The following CLSTN2 variants were observed in gnomAD, a reference collection of about 807,000 sequenced individuals.
CLSTN2 encodes the protein calsyntenin-2.
A neutral mutation model predicts 101.2 loss-of-function variants in CLSTN2; 48 were observed. The ratio of observed to expected loss-of-function variants is 0.47; its 90% CI spans 0.38 to 0.60. The LOEUF (loss-of-function observed/expected upper bound fraction) is 0.60, where lower values mean the gene tolerates loss of function less well. Ranked by LOEUF, CLSTN2 falls within the 20% of genes least tolerant of loss-of-function variation. CLSTN2 has a pLI of 0.00. For synonymous variants in CLSTN2, 481 were observed against 463.6 expected, an observed-to-expected ratio of 1.04 and a Z score of -0.48; for missense variants, 1,160 against 1,238.2, an observed-to-expected ratio of 0.94 and a Z score of 0.95.
intron 1 of CLSTN2, among the ~76,000 whole-genome samples, chr3:140,136,635 C>T (rs1279742018): frequency 6.6e-6 from 1 of 152,156 alleles, no homozygotes; most frequent in African/African-American, 2.4e-5. Flanking sequence ...TATTAACCAT[C>T]CATGTGACTT....
At chr3:140,171,651 G>A (rs1230818771) in intron 1 of CLSTN2, among the ~76,000 whole-genome samples, 796 of 31,028 alleles carry the variant, frequency 0.026, 20 homozygotes, top group African/African-American at 0.071. Context: ...TATATAATAC[G>A]TATTATATAT....
intron 1 of CLSTN2, among the ~76,000 whole-genome samples, chr3:140,147,162 G>A (rs547657942): frequency 6.6e-6 from 1 of 152,324 alleles, no homozygotes; most frequent in African/African-American, 2.4e-5. Context: ...CGTGCATTTA[G>A]GTAAATGTCT....
chr3:140,071,162 A>G (rs1297320950), intron 1 of CLSTN2, among the ~76,000 whole-genome samples: 1 of 152,168 alleles, frequency 6.6e-6, no homozygotes, highest in East Asian at 1.9e-4. Context: ...GTATATGTTA[A>G]CTTGACATTT....
At chr3:140,020,982 T>C (rs957756858) in intron 1 of CLSTN2, among the ~76,000 whole-genome samples, 2 of 152,204 alleles carry the variant, frequency 1.3e-5, no homozygotes, top group African/African-American at 4.8e-5. Context: ...ACTTAAAAAC[T>C]TGTGTGCTCC....
rs1933157381 is a variant in CLSTN2, at chr3:140,448,705, G to A, written c.973+1G>A. 3 of 1,600,986 alleles carry A rather than the reference G, an allele frequency of 1.9e-6. No homozygotes were observed. The South Asian group carries it at 3.3e-5, about 18-fold the overall frequency. On this transcript the variant is annotated splice_donor_variant, in intron 6 of 16. Transcript: ENST00000458420. LOFTEE classifies it high-confidence loss of function. Reference sequence around the variant, plus strand: ...GAGAAATCCCTTCAAAAGTTATGTGGTAGGTTTTTCCCTTTTGGGATTTTA... The same window carrying A: ...GAGAAATCCCTTCAAAAGTTATGTGATAGGTTTTTCCCTTTTGGGATTTTA...
intron 2 of CLSTN2, among the ~76,000 whole-genome samples, chr3:140,375,684 G>A (rs540762374): frequency 4.6e-5 from 7 of 151,978 alleles, no homozygotes; most frequent in South Asian, 4.1e-4. Context: ...CTCTCATCAC[G>A]TTCAACTTTT....
intron 1 of CLSTN2, among the ~76,000 whole-genome samples, chr3:140,158,837 A>G (rs2010000614): frequency 6.6e-6 from 1 of 152,202 alleles, no homozygotes; most frequent in Admixed American, 6.5e-5. Context: ...AGACACATGG[A>G]CGAATGGAAC....
At chr3:140,519,428 A>G (rs1401753989) in intron 8 of CLSTN2, among the ~76,000 whole-genome samples, 1 of 152,076 alleles carries the variant, frequency 6.6e-6, no homozygotes, top group East Asian at 1.9e-4. Context: ...GTCTCTCGCT[A>G]TTATTGTTAA....
intron 1 of CLSTN2, among the ~76,000 whole-genome samples, chr3:140,005,149 C>G (rs2006928061): frequency 6.6e-6 from 1 of 152,116 alleles, no homozygotes. Flanking sequence ...GACCTTGGCC[C>G]AGGAATGGAG....
chr3:139,947,610 G>A (rs1469309183), intron 1 of CLSTN2, among the ~76,000 whole-genome samples: 2 of 152,192 alleles, frequency 1.3e-5, no homozygotes, highest in Non-Finnish European at 2.9e-5. Context: ...TACTCACAAT[G>A]AGAGTAAAAA....
rs79325218 is a variant in CLSTN2, at chr3:140,466,747, C to T, written c.1344+16C>T. The T allele has an allele frequency of 8.5e-3, 13,690 of 1,613,674 alleles. 726 individuals are homozygous for T. The South Asian group carries it at 0.1, about 12-fold the overall frequency. On this transcript the variant is annotated intron_variant, in intron 8 of 16. Transcript: ENST00000458420. ...GCTGGATCAGGTATGGTGCTCACCT[C>T]ACACCTGCTGCTACTCATGCCTCTG...
At chr3:139,967,522 G>A (rs1345927260) in intron 1 of CLSTN2, among the ~76,000 whole-genome samples, 1 of 152,146 alleles carries the variant, frequency 6.6e-6, no homozygotes, top group Non-Finnish European at 1.5e-5. Context: ...TCAGCAACAA[G>A]CCAAGGGAGT....
At chr3:140,252,045 G>C (rs1047410040) in intron 2 of CLSTN2, among the ~76,000 whole-genome samples, 1 of 152,136 alleles carries the variant, frequency 6.6e-6, no homozygotes, top group Non-Finnish European at 1.5e-5. Flanking sequence ...GCATGATGGA[G>C]AGGCATTGGA....
intron 1 of CLSTN2, among the ~76,000 whole-genome samples, chr3:139,997,047 CAAA>C (rs369329154): frequency 1.2e-5 from 1 of 85,004 alleles, no homozygotes; most frequent in Admixed American, 1.3e-4. Context: ...GACTCTGTCT[CAAA>C]AAAAAAAAAA....
In CLSTN2 at chr3:140,109,644, G is replaced by A. The variant is rs193027356; in HGVS notation, c.110-66307G>A. Among the ~76,000 whole-genome samples the A allele has an allele frequency of 1.7e-4, 26 of 152,298 alleles. No homozygotes were observed. In the South Asian group the frequency reaches 3.7e-3, roughly 22 times the overall value. ...CTATGAAAGCACTGAGCCCTGTAGAGATCTTTAGAAGAGCTAGGAGAATTC... is the reference window on the plus strand; with the variant it reads ...CTATGAAAGCACTGAGCCCTGTAGAAATCTTTAGAAGAGCTAGGAGAATTC... On this transcript the variant is annotated intron_variant, in intron 1 of 16. Transcript: ENST00000458420.
At chr3:140,389,187 T>A (rs1262427865) in intron 2 of CLSTN2, among the ~76,000 whole-genome samples, 1 of 152,258 alleles carries the variant, frequency 6.6e-6, no homozygotes, top group African/African-American at 2.4e-5. Context: ...GCAAGTTTGT[T>A]ACATAGGTAA....
chr3:140,434,281 G>A (rs2088666025), intron 5 of CLSTN2, among the ~76,000 whole-genome samples: 1 of 152,196 alleles, frequency 6.6e-6, no homozygotes, highest in South Asian at 2.1e-4. Flanking sequence ...TGTTAAGTGT[G>A]GTGTGACCCA....
At chr3:140,236,569 C>G (rs2086418694) in intron 2 of CLSTN2, among the ~76,000 whole-genome samples, 1 of 152,136 alleles carries the variant, frequency 6.6e-6, no homozygotes, top group Admixed American at 6.6e-5. Context: ...TTTCCTGCCT[C>G]CACTCCCGTT....
At chr3:140,067,367 C>T (rs2008317217) in intron 1 of CLSTN2, among the ~76,000 whole-genome samples, 2 of 115,652 alleles carry the variant, frequency 1.7e-5, no homozygotes, top group South Asian at 4.6e-4. Flanking sequence ...GGGTGATTCA[C>T]AGCTTTCATC....
Sources: gnomAD v4.1 joint callset for allele counts (sites outside exome capture counted in the v4.1 genomes callset) on GRCh38, gnomAD v4.1.1 for gene constraint, MANE v1.5 for transcripts, NCBI Gene and HGNC (gene_info 2026-07-23, HGNC 2026-07-21) for gene names.